LOC400499: variants seen among roughly 807,000 people sequenced by gnomAD.
chr16:11,375,156 C>G, the LOC400499 span, among the ~76,000 whole-genome samples: 1 of 113,852 alleles, frequency 8.8e-6, no homozygotes, highest in Non-Finnish European at 1.8e-5. Context: ...CCTATTAACT[C>G]TTTGATGAAT....
the LOC400499 span, among the ~76,000 whole-genome samples, chr16:11,463,455 T>C: frequency 7.0e-6 from 1 of 142,124 alleles, no homozygotes; most frequent in Admixed American, 7.0e-5. Flanking sequence ...TACAGGGGTG[T>C]GTGTATACAG....
At chr16:11,444,868 G>C in the LOC400499 span, among the ~76,000 whole-genome samples, 5,198 of 152,050 alleles carry the variant, frequency 0.034, 127 homozygotes, top group Middle Eastern at 0.054. Flanking sequence ...ATGGCTTAGA[G>C]TCCAGGAGCT....
At chr16:11,514,379 G>T in the LOC400499 span, 4 of 399,126 alleles carry the variant, frequency 1.0e-5, no homozygotes, top group Non-Finnish European at 1.8e-5. Context: ...TGGATCTTGG[G>T]GCATCTCGTG....
chr16:11,415,655 T>C, the LOC400499 span, among the ~76,000 whole-genome samples: 7,088 of 152,152 alleles, frequency 0.047, 566 homozygotes, highest in African/African-American at 0.16. Flanking sequence ...CTGTCAGAGA[T>C]ACCAAGAATG....
chr16:11,477,625 CCTCT>C, the LOC400499 span, among the ~76,000 whole-genome samples: 3 of 152,342 alleles, frequency 2.0e-5, 1 homozygote, highest in Middle Eastern at 0.01. Flanking sequence ...TGTGACTGGA[CCTCT>C]CTGAGCCTCA....
At chr16:11,449,239 G>T in the LOC400499 span, 2 of 795,472 alleles carry the variant, frequency 2.5e-6, no homozygotes, top group Non-Finnish European at 3.6e-6. Flanking sequence ...CCATTTCTCT[G>T]ACGCCTAACC....
chr16:11,410,853 C>G, the LOC400499 span, among the ~76,000 whole-genome samples: 7 of 152,240 alleles, frequency 4.6e-5, no homozygotes, highest in Non-Finnish European at 7.3e-5. Context: ...CTCCTGTGCA[C>G]TCCTACGACC....
At chr16:11,398,977 G>T in the LOC400499 span, among the ~76,000 whole-genome samples, 1 of 152,204 alleles carries the variant, frequency 6.6e-6, no homozygotes, top group Non-Finnish European at 1.5e-5. Context: ...CACTTAGGGG[G>T]CCATGCCTAA....
chr16:11,484,361 T>C, the LOC400499 span, among the ~76,000 whole-genome samples: 1 of 152,158 alleles, frequency 6.6e-6, no homozygotes, highest in Admixed American at 6.5e-5. Context: ...ATGGGTATGT[T>C]CATAAGCTTT....
the LOC400499 span, among the ~76,000 whole-genome samples, chr16:11,520,101 A>T: frequency 6.6e-6 from 1 of 152,174 alleles, no homozygotes; most frequent in Non-Finnish European, 1.5e-5. Flanking sequence ...GGGAATTGGA[A>T]GTTACTGTTC....
the LOC400499 span, among the ~76,000 whole-genome samples, chr16:11,474,166 A>G: frequency 2.6e-5 from 4 of 152,240 alleles, no homozygotes; most frequent in African/African-American, 4.8e-5. Context: ...CAGATAGTCA[A>G]TATTTTATGC....
At chr16:11,457,244 G>C in the LOC400499 span, 10 of 547,222 alleles carry the variant, frequency 1.8e-5, no homozygotes, top group South Asian at 1.9e-4. Flanking sequence ...TACGCTGATG[G>C]TGGGAATGTG....
chr16:11,453,326 T>C, the LOC400499 span, among the ~76,000 whole-genome samples: 1 of 152,144 alleles, frequency 6.6e-6, no homozygotes, highest in Non-Finnish European at 1.5e-5. Context: ...ATTACCCTGT[T>C]TGAAAACAGG....
the LOC400499 span, among the ~76,000 whole-genome samples, chr16:11,450,425 G>C: frequency 6.6e-6 from 1 of 152,106 alleles, no homozygotes; most frequent in African/African-American, 2.4e-5. Flanking sequence ...TCTTTTTTTA[G>C]GTCTAATTCT....
chr16:11,444,315 T>C, the LOC400499 span, among the ~76,000 whole-genome samples: 5 of 152,232 alleles, frequency 3.3e-5, no homozygotes, highest in East Asian at 5.8e-4. Context: ...TGAGGGTCAC[T>C]TGAGCTTGGG....
At chr16:11,421,956 T>C in the LOC400499 span, among the ~76,000 whole-genome samples, 2 of 152,188 alleles carry the variant, frequency 1.3e-5, no homozygotes, top group South Asian at 4.1e-4. Context: ...ACAAGAAATG[T>C]GAAAAGATAC....
the LOC400499 span, among the ~76,000 whole-genome samples, chr16:11,486,510 T>C: frequency 7.8e-6 from 1 of 128,752 alleles, no homozygotes; most frequent in African/African-American, 3.1e-5. Context: ...GATAGATGAA[T>C]GAATGATGGC....
chr16:11,399,685 G>A, the LOC400499 span: 1,635 of 398,846 alleles, frequency 4.1e-3, 27 homozygotes, highest in African/African-American at 0.03. Flanking sequence ...TCGGTGCAGC[G>A]GTCAGGCCCC....
At chr16:11,418,979 A>T in the LOC400499 span, among the ~76,000 whole-genome samples, 22 of 152,326 alleles carry the variant, frequency 1.4e-4, no homozygotes, top group Non-Finnish European at 2.9e-4. Flanking sequence ...CATCCTGGCC[A>T]ACAAGGCAAA....
Sources: gnomAD v4.1 joint callset for allele counts (sites outside exome capture counted in the v4.1 genomes callset) on GRCh38, gnomAD v4.1.1 for gene constraint, MANE v1.5 for transcripts.